The following DYTN variants were observed in gnomAD, a reference collection of about 807,000 sequenced individuals.
DYTN encodes dystrotelin.
A neutral mutation model predicts 69.6 loss-of-function variants in DYTN; 75 were observed. The ratio of observed to expected loss-of-function variants is 1.08; its 90% confidence interval spans 0.89 to 1.31. The LOEUF (loss-of-function observed/expected upper bound fraction) is 1.31. Among genes scored for constraint, DYTN ranks in the 50% most tolerant of loss-of-function variants. The pLI, the probability that DYTN is intolerant of heterozygous loss-of-function variation, is 0.00. For synonymous variants in DYTN, 252 were observed against 249.1 expected, an observed-to-expected ratio of 1.01 and a Z score of -0.11; for missense variants, 726 against 688.4, an observed-to-expected ratio of 1.05 and a Z score of -0.61.
At chr2:206,683,665 T>C (rs775208646) in intron 9 of DYTN, among the ~76,000 whole-genome samples, 11 of 152,020 alleles carry the variant, frequency 7.2e-5, no homozygotes, top group Non-Finnish European at 1.3e-4. Context: ...CTTATTACTC[T>C]CCTTCCTCAT....
intron 4 of DYTN, 89 bp from the exon 5 acceptor site, chr2:206,705,032 G>A (rs1279124616): frequency 9.5e-7 from 1 of 1,056,930 alleles, no homozygotes; most frequent in Middle Eastern, 2.1e-4. Context: ...TCTCTTTGTG[G>A]CTATGAAAGG....
Position 206,661,175 on chromosome 2 carries a change from C to A in DYTN, c.1633+1728G>T, listed in dbSNP as rs117485875. Among the ~76,000 whole-genome samples the A allele has an allele frequency of 3.3e-5, 5 of 152,332 alleles. No homozygotes were observed. The East Asian group carries it at 7.7e-4, about 23-fold the overall frequency. On this transcript the variant is annotated intron_variant, in intron 11 of 11. Transcript: ENST00000452335. ...AGAGAAGTCTCAGAAGAAACCAACA[C>A]TGCTGACACCCTGATCTTGGACTTC...
chr2:206,662,863 C>T, intron 11 of DYTN, 40 bp downstream of exon 11: 2 of 1,568,558 alleles, frequency 1.3e-6, no homozygotes, highest in Non-Finnish European at 8.6e-7. Flanking sequence ...CAGCTTGAAT[C>T]CTTGGCCATC....
intron 9 of DYTN, among the ~76,000 whole-genome samples, chr2:206,688,543 C>T (rs942314945): frequency 3.9e-5 from 6 of 152,164 alleles, no homozygotes; most frequent in African/African-American, 1.2e-4. Flanking sequence ...GCTGGGAACA[C>T]GTGCATCAGG....
intron 11 of DYTN, among the ~76,000 whole-genome samples, chr2:206,655,305 A>T (rs1315349779): frequency 1.4e-5 from 2 of 146,944 alleles, no homozygotes; most frequent in African/African-American, 5.1e-5. Context: ...GAGCACAGTG[A>T]TGTGATCATA....
At chr2:206,675,517 C>T (rs746282085) in intron 9 of DYTN, among the ~76,000 whole-genome samples, 19 of 151,402 alleles carry the variant, frequency 1.3e-4, no homozygotes, top group South Asian at 1.3e-3. Flanking sequence ...TGGGAAAAGC[C>T]CCTACTCACA....
chr2:206,693,787 A>G (rs1355855992), intron 8 of DYTN, among the ~76,000 whole-genome samples: 4 of 152,248 alleles, frequency 2.6e-5, no homozygotes, highest in African/African-American at 9.6e-5. Flanking sequence ...CCAAATGCAA[A>G]GAAGGAATGA....
At chr2:206,715,763 T>A (rs1263388827) in intron 1 of DYTN, among the ~76,000 whole-genome samples, 5 of 152,144 alleles carry the variant, frequency 3.3e-5, no homozygotes, top group Admixed American at 6.6e-5. Flanking sequence ...TCAAGGGGGC[T>A]GTAGGCAAGT....
chr2:206,699,954 C>G, intron 6 of DYTN, 64 bp from the exon 7 acceptor site: 3 of 1,571,248 alleles, frequency 1.9e-6, no homozygotes, highest in Non-Finnish European at 2.6e-6. Context: ...ATTTTCTTTT[C>G]TGACTCTAAT....
intron 9 of DYTN, among the ~76,000 whole-genome samples, chr2:206,688,423 C>CA (rs1699834546): frequency 6.6e-6 from 1 of 151,904 alleles, no homozygotes; most frequent in Admixed American, 6.6e-5. Context: ...AAATCACCAA[C>CA]AAAAAGCACA....
At chr2:206,666,372 G>A (rs1328226258) in intron 9 of DYTN, among the ~76,000 whole-genome samples, 1 of 152,182 alleles carries the variant, frequency 6.6e-6, no homozygotes, top group Non-Finnish European at 1.5e-5. Context: ...TGTTGACACT[G>A]TTTGTTCACC....
At chr2:206,700,946 G>T (rs535207827) in intron 5 of DYTN, 1 of 152,268 alleles carries the variant, frequency 6.6e-6, no homozygotes, top group East Asian at 1.9e-4. Flanking sequence ...TGAACTCATT[G>T]TTTTTTATGG....
rs773046016 is a variant in DYTN, at chr2:206,718,305, T to C, written c.-26A>G. 2.5e-6 allele frequency: 4 copies of C among 1,600,610 alleles called. No individual in the cohort carries two copies. The highest frequency in any genetic ancestry group is 2.7e-5 in the African/African-American group (2 of 74,634). On this transcript the variant is annotated 5_prime_UTR_variant, in exon 1 of 12. Coordinates refer to ENST00000452335, the MANE Select transcript of DYTN (RefSeq NM_001093730.1). ...TTCACAAATTTCCTGGAATGACAGA[T>C]GGCAAGTGGGTCCCTGTAACTAGAA...
At chr2:206,665,440 T>C (rs1265931499) in intron 10 of DYTN, among the ~76,000 whole-genome samples, 1 of 151,582 alleles carries the variant, frequency 6.6e-6, no homozygotes, top group African/African-American at 2.4e-5. Flanking sequence ...ATTTATTTAA[T>C]TTTATTTTAT....
rs373961658 is a variant in DYTN, at chr2:206,693,163, G to A, written c.980+12C>T. The A allele has an allele frequency of 3.9e-5, 63 of 1,600,212 alleles. 2 individuals are homozygous for A. In the South Asian group the frequency reaches 4.4e-4, roughly 11 times the overall value. On this transcript the variant is annotated intron_variant, in intron 9 of 11. Coordinates refer to ENST00000452335, the MANE Select transcript of DYTN (RefSeq NM_001093730.1). ...TGCTCTGTGGGATCAGCCAATCCTC[G>A]CAGCCACTCACCTGGCCTGCGCATG...
At chr2:206,661,997 C>G (rs1699517614) in intron 11 of DYTN, among the ~76,000 whole-genome samples, 1 of 152,128 alleles carries the variant, frequency 6.6e-6, no homozygotes, top group Non-Finnish European at 1.5e-5. Context: ...CCCAGGCTAG[C>G]AATATGTGGT....
Position 206,704,842 on chromosome 2 carries a change from C to A in DYTN, c.483+1G>T. ...ACAGTTCTTAAGTATTAGGAATTTA[C>A]CTGCTGTAGATCTGTTAGTAGTTTT... On this transcript the variant is annotated splice_donor_variant, in intron 5 of 11. Coordinates refer to ENST00000452335, the MANE Select transcript of DYTN (RefSeq NM_001093730.1). LOFTEE classifies it high-confidence loss of function. The A allele has an allele frequency of 6.2e-7, 1 of 1,612,444 alleles. No individual in the cohort carries two copies.
At chr2:206,675,353 G>C (rs888013660) in intron 9 of DYTN, among the ~76,000 whole-genome samples, 1 of 147,994 alleles carries the variant, frequency 6.8e-6, no homozygotes, top group African/African-American at 2.5e-5. Context: ...TTTTCAGATT[G>C]TGTGATTGTC....
At chr2:206,677,644 T>A (rs973181690) in intron 9 of DYTN, among the ~76,000 whole-genome samples, 2 of 152,132 alleles carry the variant, frequency 1.3e-5, no homozygotes, top group African/African-American at 4.8e-5. Context: ...AATGAATAAA[T>A]TTTTCCCAGC....
Sources: gnomAD v4.1 joint callset for allele counts (sites outside exome capture counted in the v4.1 genomes callset) on GRCh38, gnomAD v4.1.1 for gene constraint, MANE v1.5 for transcripts, NCBI Gene and HGNC (gene_info 2026-07-23, HGNC 2026-07-21) for gene names.